The following ST7 variants were observed in gnomAD, a reference collection of about 807,000 sequenced individuals.
The protein encoded by ST7 is suppression of tumorigenicity 7.
A neutral mutation model predicts 78.7 loss-of-function variants in ST7; 28 were observed. The observed-to-expected ratio is 0.36, with a 90% CI of 0.26 to 0.49. ST7 has a LOEUF of 0.49. Among genes scored for constraint, ST7 ranks in the 20% least tolerant of loss-of-function variants. The probability of loss-of-function intolerance (pLI) is 0.99; values close to 1 mark genes in which losing one functional copy is unlikely to be tolerated. For missense variants in ST7, 418 were observed against 696.0 expected (o/e 0.60, Z 4.49); for synonymous variants, 247 against 249.6 (o/e 0.99, Z 0.10).
intron 1 of ST7, among the ~76,000 whole-genome samples, chr7:117,052,926 A>G (rs905703919): frequency 6.6e-6 from 1 of 152,014 alleles, no homozygotes; most frequent in Admixed American, 6.6e-5. Context: ...CAAACGAAAA[A>G]ATCTAGTCAG....
rs1793642579 is a variant in ST7 at position 116,975,296 on chromosome 7, ACCTCCCACTAAGTC to A, written c.151+21613_151+21626del. ...AAAAACCCACCCCCATGATTCAATT[ACCTCCCACTAAGTC>A]CCTCCCATGACACATGAGGATTATG... On this transcript the variant is annotated intron_variant, in intron 1 of 15. Transcript: ENST00000323984. Among the ~76,000 whole-genome samples, 3 of 151,980 alleles carry A rather than the reference ACCTCCCACTAAGTC, an allele frequency of 2.0e-5. No individual in the cohort carries two copies. In the South Asian group the frequency reaches 6.2e-4, roughly 32 times the overall value.
At chr7:117,128,598 G>T (rs985776379) in intron 3 of ST7, among the ~76,000 whole-genome samples, 1 of 151,776 alleles carries the variant, frequency 6.6e-6, no homozygotes, top group Non-Finnish European at 1.5e-5. Flanking sequence ...ATGAAAACAC[G>T]TATTCCTGTT....
chr7:117,070,058 G>A (rs1029260306), intron 1 of ST7, among the ~76,000 whole-genome samples: 1 of 152,228 alleles, frequency 6.6e-6, no homozygotes, highest in Non-Finnish European at 1.5e-5. Flanking sequence ...GATGTTATAT[G>A]TACCTGCTTT....
intron 1 of ST7, among the ~76,000 whole-genome samples, chr7:117,018,834 G>A (rs973608630): frequency 3.3e-5 from 5 of 152,124 alleles, no homozygotes; most frequent in Non-Finnish European, 7.4e-5. Context: ...ATTCTTTCCC[G>A]CAACAGATGA....
chr7:117,166,315 C>A (rs1021652067), intron 9 of ST7, among the ~76,000 whole-genome samples: 1 of 151,958 alleles, frequency 6.6e-6, no homozygotes, highest in African/African-American at 2.4e-5. Flanking sequence ...TATTGTATGC[C>A]AGCATTTCCC....
chr7:117,083,249 A>G (rs1799916532), intron 1 of ST7, among the ~76,000 whole-genome samples: 1 of 149,446 alleles, frequency 6.7e-6, no homozygotes, highest in African/African-American at 2.5e-5. Context: ...ATACATATAT[A>G]TATTTTTGTT....
chr7:117,222,084 G>A (rs1793133602), intron 15 of ST7, 22 bp downstream of exon 15: 1 of 1,588,332 alleles, frequency 6.3e-7, no homozygotes, highest in African/African-American at 1.4e-5. Flanking sequence ...CCTAGAGGGA[G>A]GCCTTGGGGA....
intron 3 of ST7, among the ~76,000 whole-genome samples, chr7:117,121,999 G>A (rs987352806): frequency 5.3e-5 from 8 of 151,978 alleles, no homozygotes; most frequent in Non-Finnish European, 1.2e-4. Flanking sequence ...AAATTATAAT[G>A]CAATTTTGTA....
At chr7:117,058,413 A>G (rs555828130) in intron 1 of ST7, among the ~76,000 whole-genome samples, 3 of 152,326 alleles carry the variant, frequency 2.0e-5, no homozygotes, top group African/African-American at 7.2e-5. Flanking sequence ...TGTTCTATTT[A>G]ATACCATCTG....
chr7:117,011,879 T>G (rs1795399580), intron 1 of ST7, among the ~76,000 whole-genome samples: 1 of 152,116 alleles, frequency 6.6e-6, no homozygotes, highest in African/African-American at 2.4e-5. Context: ...AGAAAATTCT[T>G]TGAGAGGTGG....
chr7:117,040,611 T>C (rs921347359), intron 1 of ST7, among the ~76,000 whole-genome samples: 2 of 152,198 alleles, frequency 1.3e-5, no homozygotes, highest in Admixed American at 1.3e-4. Context: ...CTTTAGGGGA[T>C]GGTCATGGGT....
At chr7:117,021,031 A>G (rs923653601) in intron 1 of ST7, among the ~76,000 whole-genome samples, 1 of 152,208 alleles carries the variant, frequency 6.6e-6, no homozygotes, top group South Asian at 2.1e-4. Context: ...TTTTTCATCT[A>G]AAGAGATAAA....
At chr7:117,006,153 T>G (rs1454402172) in intron 1 of ST7, among the ~76,000 whole-genome samples, 1 of 152,242 alleles carries the variant, frequency 6.6e-6, no homozygotes, top group African/African-American at 2.4e-5. Context: ...GGTTGATTTA[T>G]AGTAGAGTCA....
chr7:116,956,535 A>C, intron 1 of ST7: 1 of 471,178 alleles, frequency 2.1e-6, no homozygotes, highest in South Asian at 1.5e-5. Context: ...CTTCCTCCTC[A>C]AGGAAGCCAA....
At chr7:116,998,391 C>T (rs1025698873) in intron 1 of ST7, among the ~76,000 whole-genome samples, 2 of 152,238 alleles carry the variant, frequency 1.3e-5, no homozygotes, top group African/African-American at 2.4e-5. Flanking sequence ...TCCACACCTC[C>T]CCGCAAGCCG....
chr7:116,971,126 C>G (rs1793396527), intron 1 of ST7, among the ~76,000 whole-genome samples: 2 of 152,064 alleles, frequency 1.3e-5, no homozygotes, highest in African/African-American at 4.8e-5. Context: ...AGTAAACTGC[C>G]AGCCCACAGA....
intron 1 of ST7, among the ~76,000 whole-genome samples, chr7:117,083,365 C>T (rs938635311): frequency 1.1e-4 from 16 of 152,160 alleles, no homozygotes; most frequent in African/African-American, 3.4e-4. Context: ...TGGTGATTCT[C>T]CTGCCTCAAC....
rs775134103 is a variant in ST7 at position 117,131,838 on chromosome 7, A to G, written c.566-47A>G. 8 of 1,502,256 alleles carry G rather than the reference A, an allele frequency of 5.3e-6. No individual in the cohort carries two copies. In the African/African-American group the frequency reaches 1.1e-4, roughly 21 times the overall value. 93.1% of individuals were successfully genotyped at this position (1,502,256 alleles called of 1,614,324 possible). A position where few individuals can be genotyped will look rare whatever the true frequency, so the allele number is the denominator to read the frequency against. On this transcript the variant is annotated intron_variant, in intron 5 of 15. Coordinates refer to ENST00000323984, the MANE Select transcript of ST7 (RefSeq NM_001369598.1). The stretch of plus-strand genomic sequence containing the variant: ...CTCTTGTCCTCTACTGAGTCTACCT[A>G]ATTATATGTATGGATTGACTTGGTG...
intron 1 of ST7, among the ~76,000 whole-genome samples, chr7:117,038,113 C>A (rs937530675): frequency 6.6e-6 from 1 of 152,096 alleles, no homozygotes; most frequent in African/African-American, 2.4e-5. Flanking sequence ...AAAGGTCATT[C>A]CCAAGCTAAT....
Sources: gnomAD v4.1 joint callset for allele counts (sites outside exome capture counted in the v4.1 genomes callset) on GRCh38, gnomAD v4.1.1 for gene constraint, MANE v1.5 for transcripts, NCBI Gene and HGNC (gene_info 2026-07-23, HGNC 2026-07-21) for gene names.